OPHN1: variants seen among roughly 807,000 people sequenced by gnomAD.
OPHN1 encodes the protein oligophrenin 1.
A neutral mutation model predicts 60.7 loss-of-function variants in OPHN1; 11 were observed. That is an observed-to-expected ratio of 0.18 (90% CI 0.11 to 0.30). The LOEUF (loss-of-function observed/expected upper bound fraction) is 0.30, where lower values mean the gene tolerates loss of function less well. Ranked by LOEUF, OPHN1 falls within the 10% of genes least tolerant of loss-of-function variation. OPHN1 has a pLI of 1.00. For synonymous variants in OPHN1, 226 were observed against 222.6 expected (o/e 1.02, Z -0.14); for missense variants, 449 against 611.0 (o/e 0.73, Z 2.80).
intron 2 of OPHN1, among the ~76,000 whole-genome samples, chrX:68,414,123 T>C (rs1200852099): frequency 1.8e-5 from 2 of 112,058 alleles, no homozygotes; most frequent in Non-Finnish European, 3.8e-5. Context: ...CCAGGAGTTA[T>C]GTTAGGCACG....
chrX:68,374,079 AG>A (rs1218916499), intron 2 of OPHN1, among the ~76,000 whole-genome samples: 1 of 111,554 alleles, frequency 9.0e-6, no homozygotes, highest in Non-Finnish European at 1.9e-5. Flanking sequence ...AGCACAATCC[AG>A]GGCACGGTGG....
At chrX:68,407,884 T>C (rs1389478623) in intron 2 of OPHN1, among the ~76,000 whole-genome samples, 1 of 112,871 alleles carries the variant, frequency 8.9e-6, no homozygotes, top group Admixed American at 9.4e-5. Context: ...ATAAAGTTTA[T>C]CCCTTCAAAC....
intron 19 of OPHN1, among the ~76,000 whole-genome samples, chrX:68,081,659 T>C (rs2076975025): frequency 8.9e-6 from 1 of 112,001 alleles, no homozygotes; most frequent in Non-Finnish European, 1.9e-5. Context: ...AATTTATTGC[T>C]AAAAAATGCT....
At chrX:68,056,931 G>A (rs898105443) in intron 21 of OPHN1, among the ~76,000 whole-genome samples, 6 of 111,512 alleles carry the variant, frequency 5.4e-5, no homozygotes, top group Admixed American at 4.8e-4. Flanking sequence ...CAATAGTACT[G>A]GCAAAATTTT....
At chrX:68,217,568 G>A (rs946075794) in intron 6 of OPHN1, among the ~76,000 whole-genome samples, 8 of 109,109 alleles carry the variant, frequency 7.3e-5, no homozygotes, top group Admixed American at 9.8e-5. Context: ...CTCCCAGCAT[G>A]CAGCTGGAGA....
intron 6 of OPHN1, among the ~76,000 whole-genome samples, chrX:68,219,800 T>C (rs1189035529): frequency 2.9e-5 from 3 of 103,354 alleles, no homozygotes; most frequent in Non-Finnish European, 5.9e-5. Context: ...GGGAAATTTA[T>C]AGCACTAAAT....
chrX:68,364,286 A>G (rs906832926), intron 2 of OPHN1, among the ~76,000 whole-genome samples: 2 of 112,046 alleles, frequency 1.8e-5, no homozygotes, highest in Admixed American at 1.9e-4. Context: ...TATCCCTGTG[A>G]TTTTAAACTT....
intron 4 of OPHN1, among the ~76,000 whole-genome samples, chrX:68,279,420 T>C (rs937715809): frequency 9.1e-6 from 1 of 109,460 alleles, no homozygotes; most frequent in African/African-American, 3.3e-5. Context: ...CCCAACAGTA[T>C]ACTTTTGAGA....
At position 68,247,637 on chromosome X, in the gene OPHN1, G is replaced by A. The variant is rs546305137; in HGVS notation, c.385-13049C>T. ...ACAGTAAATCAAGAATAAATTGCCA[G>A]GTGGAGCGCAGTGGCTCATGCCTGT... On this transcript the variant is annotated intron_variant, in intron 5 of 24. Transcript: ENST00000355520. 1.4e-4 allele frequency among the ~76,000 whole-genome samples: 16 copies of A among 110,669 alleles called. No individual in the cohort carries two copies. The South Asian group carries it at 6.3e-3, about 43-fold the overall frequency.
intron 18 of OPHN1, among the ~76,000 whole-genome samples, chrX:68,109,756 G>A (rs1254761027): frequency 9.0e-6 from 1 of 111,016 alleles, no homozygotes; most frequent in Non-Finnish European, 1.9e-5. Context: ...TTTGTTTTAC[G>A]TGCTGGAAAA....
chrX:68,059,831 C>A (rs192720898), intron 21 of OPHN1, among the ~76,000 whole-genome samples: 1 of 111,267 alleles, frequency 9.0e-6, no homozygotes, highest in African/African-American at 3.3e-5. Context: ...ATGGTGTGCT[C>A]TTCACTTTCA....
intron 10 of OPHN1, among the ~76,000 whole-genome samples, chrX:68,202,503 C>A (rs775766495): frequency 2.0e-4 from 20 of 102,188 alleles, no homozygotes; most frequent in Non-Finnish European, 3.1e-4. Context: ...TATTACGCTA[C>A]ATTTTTTTTT....
intron 15 of OPHN1, among the ~76,000 whole-genome samples, chrX:68,178,107 C>T (rs2077421792): frequency 9.0e-6 from 1 of 111,696 alleles, no homozygotes; most frequent in Non-Finnish European, 1.9e-5. Context: ...GTTTTGTTTT[C>T]CTATGGCAGC....
chrX:68,178,077 T>C (rs922183025), intron 15 of OPHN1, among the ~76,000 whole-genome samples: 3 of 112,008 alleles, frequency 2.7e-5, no homozygotes, highest in Non-Finnish European at 5.6e-5. Flanking sequence ...AAATACCCCA[T>C]TACACACTAT....
At chrX:68,185,120 G>T (rs1381252246) in intron 15 of OPHN1, among the ~76,000 whole-genome samples, 1 of 112,296 alleles carries the variant, frequency 8.9e-6, no homozygotes, top group Non-Finnish European at 1.9e-5. Context: ...CTACTGATTT[G>T]CTGCTTATTA....
At chrX:68,217,335 G>A (rs929568392) in intron 6 of OPHN1, among the ~76,000 whole-genome samples, 3 of 111,608 alleles carry the variant, frequency 2.7e-5, no homozygotes, top group East Asian at 2.9e-4. Context: ...ACTGCAAGGC[G>A]GCAGCGAGGC....
chrX:68,416,065 TATAGAG>T (rs1394299645), intron 2 of OPHN1, among the ~76,000 whole-genome samples: 4 of 5,192 alleles, frequency 7.7e-4, no homozygotes, highest in Admixed American at 2.5e-3. Context: ...TATATATATA[TATAGAG>T]AGAGAGAGAG....
chrX:68,100,874 G>A (rs1239358291), intron 18 of OPHN1, among the ~76,000 whole-genome samples: 1 of 110,515 alleles, frequency 9.0e-6, no homozygotes, highest in Non-Finnish European at 1.9e-5. Flanking sequence ...AGCCTCCCGA[G>A]TAGCTGGGAC....
At chrX:68,282,939 C>A in intron 4 of OPHN1, 117 bp downstream of exon 4, 2 of 558,803 alleles carry the variant, frequency 3.6e-6, no homozygotes, top group South Asian at 5.3e-5. Flanking sequence ...TTTTATAGCA[C>A]CAAGAAGCTA....
Sources: gnomAD v4.1 joint callset for allele counts (sites outside exome capture counted in the v4.1 genomes callset) on GRCh38, gnomAD v4.1.1 for gene constraint, MANE v1.5 for transcripts, NCBI Gene and HGNC (gene_info 2026-07-23, HGNC 2026-07-21) for gene names.